Variants in ST7L observed in about 807,000 individuals in gnomAD.
The protein encoded by ST7L is suppression of tumorigenicity 7 like, also known as suppressor of tumorigenicity 7 protein-like.
A neutral mutation model predicts 72.5 loss-of-function variants in ST7L; 57 were observed. The ratio of observed to expected loss-of-function variants is 0.79; its 90% CI spans 0.64 to 0.98. ST7L has a LOEUF of 0.98. ST7L is among the 50% of genes least tolerant of loss of function. The pLI, the probability that ST7L is intolerant of heterozygous loss-of-function variation, is 0.00. For missense variants in ST7L, 576 were observed against 672.2 expected (o/e 0.86, Z 1.58); for synonymous variants, 221 against 240.9 (o/e 0.92, Z 0.77).
At chr1:112,576,319 T>G (rs1186501196) in intron 11 of ST7L, among the ~76,000 whole-genome samples, 1 of 152,180 alleles carries the variant, frequency 6.6e-6, no homozygotes, top group East Asian at 1.9e-4. Flanking sequence ...CCCAAACTCC[T>G]GGGCTCAAGT....
At chr1:112,520,836 C>T, downstream of ST7L, 1 of 314,868 alleles carries the variant, frequency 3.2e-6, no homozygotes, top group Non-Finnish European at 5.9e-6. Context: ...TTCCTTTGCA[C>T]CAGCTTCCCG....
downstream of ST7L, chr1:112,520,281 T>G (rs756575329): frequency 6.2e-7 from 1 of 1,613,470 alleles, no homozygotes; most frequent in South Asian, 1.1e-5. Flanking sequence ...CCAACCCAGG[T>G]TCCCTAGGCA....
intron 1 of ST7L, 133 bp from the exon 2 acceptor site, chr1:112,617,028 G>T (rs980068422): frequency 3.6e-6 from 2 of 559,956 alleles, no homozygotes; most frequent in Non-Finnish European, 6.3e-6. Flanking sequence ...ACTTGAAAAA[G>T]TTTTAATTTG....
chr1:112,543,273 GGA>G (rs2101425748), intron 13 of ST7L, among the ~76,000 whole-genome samples: 1 of 152,324 alleles, frequency 6.6e-6, no homozygotes, highest in African/African-American at 2.4e-5. Flanking sequence ...AGGTAAGACG[GGA>G]GCAGTGGCTC....
intron 2 of ST7L, among the ~76,000 whole-genome samples, chr1:112,613,044 A>T (rs1311497817): frequency 2.6e-5 from 4 of 152,074 alleles, no homozygotes; most frequent in African/African-American, 9.7e-5. Flanking sequence ...GCTTGAGTTC[A>T]GCAGGTCAAG....
chr1:112,561,418 T>C (rs1157366108), intron 11 of ST7L, among the ~76,000 whole-genome samples: 2 of 151,622 alleles, frequency 1.3e-5, no homozygotes, highest in Admixed American at 1.3e-4. Flanking sequence ...TGATTTATGT[T>C]TGTCTGGATT....
Position 112,542,105 on chromosome 1 carries a change from AG to A in ST7L, c.1490-16del. Reference sequence around the variant, plus strand: ...ATGATGAAAGGCTGCAATGGAGAATAGGTAAGAATCAATTTTATTTCAGAAT... The same window carrying A: ...ATGATGAAAGGCTGCAATGGAGAATAGTAAGAATCAATTTTATTTCAGAAT... On this transcript the variant is annotated splice_polypyrimidine_tract_variant and intron_variant, in intron 13 of 14. Transcript: ENST00000358039. 1 of 1,580,696 alleles carries A rather than the reference AG, an allele frequency of 6.3e-7. No individual in the cohort carries two copies. Among genetic ancestry groups the A allele is most frequent in the South Asian group, 1.2e-5 (1 of 85,296 alleles).
chr1:112,567,882 T>A (rs552180050), intron 11 of ST7L, among the ~76,000 whole-genome samples: 7 of 152,344 alleles, frequency 4.6e-5, no homozygotes, highest in African/African-American at 1.4e-4. Flanking sequence ...TCAGCTATAG[T>A]ATGCTTACTT....
chr1:112,549,517 G>A (rs983186773), intron 13 of ST7L, among the ~76,000 whole-genome samples: 4 of 151,628 alleles, frequency 2.6e-5, no homozygotes, highest in East Asian at 1.9e-4. Flanking sequence ...AATTTCTTTC[G>A]TTAAATTTAT....
chr1:112,553,371 C>T (rs1281294300), intron 12 of ST7L, among the ~76,000 whole-genome samples: 4 of 152,098 alleles, frequency 2.6e-5, no homozygotes, highest in Non-Finnish European at 1.5e-5. Flanking sequence ...TGAGTCACAA[C>T]ACTTGGCTCA....
intron 6 of ST7L, among the ~76,000 whole-genome samples, chr1:112,587,889 G>A (rs1025147798): frequency 5.3e-5 from 8 of 152,164 alleles, no homozygotes; most frequent in East Asian, 1.9e-4. Flanking sequence ...CACTGAATCC[G>A]TAGATCAATT....
rs1661803477 is a variant in ST7L at position 112,570,006 on chromosome 1, A to G, written c.1245+6980T>C. ...AACTATGAAACCATTTGATGGTTGGATAAGAAAAGTATGATACCAGAATGA... is the reference window on the plus strand; with the variant it reads ...AACTATGAAACCATTTGATGGTTGGGTAAGAAAAGTATGATACCAGAATGA... On this transcript the variant is annotated intron_variant, in intron 11 of 14. Transcript: ENST00000358039. Among the ~76,000 whole-genome samples, 7 of 151,168 alleles carry G rather than the reference A, an allele frequency of 4.6e-5. 1 individual carries two copies. In the South Asian group the frequency reaches 1.2e-3, roughly 27 times the overall value.
intron 13 of ST7L, among the ~76,000 whole-genome samples, chr1:112,542,956 C>G (rs1307098411): frequency 6.6e-6 from 1 of 151,966 alleles, no homozygotes; most frequent in East Asian, 1.9e-4. Context: ...CAGGCCACTA[C>G]GCCCAGCTAC....
Position 112,526,115 on chromosome 1 carries a change from C to A in ST7L, c.1630-4G>T, listed in dbSNP as rs369053015. On this transcript the variant is annotated splice_region_variant and splice_polypyrimidine_tract_variant and intron_variant, in intron 14 of 14. Coordinates refer to ENST00000358039, the MANE Select transcript of ST7L (RefSeq NM_017744.5). ...GGGGGCACCAGAGTCCCAGCACCTT[C>A]AAAACAGAAATTGATACAAAATGTT... 23 of 1,613,892 alleles carry A rather than the reference C, an allele frequency of 1.4e-5. No individual in the cohort carries two copies. In the African/African-American group the frequency reaches 2.9e-4, roughly 21 times the overall value.
downstream of ST7L, chr1:112,520,166 G>C (rs1269871095): frequency 4.8e-6 from 5 of 1,033,574 alleles, no homozygotes; most frequent in African/African-American, 7.9e-5. Context: ...GTGAGCCACT[G>C]TGCCCAGCCC....
At chr1:112,551,136 A>ATTTTTT (rs1658060983) in intron 12 of ST7L, among the ~76,000 whole-genome samples, 1 of 119,740 alleles carries the variant, frequency 8.4e-6, no homozygotes, top group African/African-American at 3.6e-5. Context: ...CTATGAGCAG[A>ATTTTTT]TCTTTTTTTT....
chr1:112,600,136 G>A (rs1667172198), intron 4 of ST7L, among the ~76,000 whole-genome samples: 1 of 152,136 alleles, frequency 6.6e-6, no homozygotes, highest in South Asian at 2.1e-4. Flanking sequence ...TGCCTCCTGG[G>A]TTCAAGTGAT....
At chr1:112,619,581 C>T (rs1380361898), upstream of ST7L, 2 of 530,934 alleles carry the variant, frequency 3.8e-6, no homozygotes, top group South Asian at 2.7e-5. Context: ...ACGCTGCCAG[C>T]GCCCATTAGA....
Position 112,619,076 on chromosome 1 carries a change from A to T in ST7L, c.38T>A (p.Val13Asp). 2.5e-6 allele frequency: 4 copies of T among 1,613,588 alleles called. No individual in the cohort carries two copies. The highest frequency in any genetic ancestry group is 3.4e-6 in the Non-Finnish European group (4 of 1,179,966). Reference sequence around the variant, plus strand: ...AGGGACAGATGCAGGAGACGCTCCAACAGCTGCGGCTTCACCCACGCCGCC... The same window carrying T: ...AGGGACAGATGCAGGAGACGCTCCATCAGCTGCGGCTTCACCCACGCCGCC... The part of the protein sequence containing the change: ...DRGGVGEAAA[V>D]GASPASVPGL... The change falls in exon 1 of 15, where the codon GTT (valine) becomes GAT (aspartate). Residue 13 changes from valine (V) to aspartate (D), a missense_variant. Physicochemically the swap from Val to Asp is radical, Grantham distance 152. Around this residue, in one of 3 missense-constraint regions of ST7L, gnomAD observed 56 missense variants for 45.8 expected, o/e 1.22. Coordinates refer to ENST00000358039, the MANE Select transcript of ST7L (RefSeq NM_017744.5).
Sources: gnomAD v4.1 joint callset for allele counts (sites outside exome capture counted in the v4.1 genomes callset) on GRCh38, gnomAD v4.1.1 for gene constraint, gnomAD v4.1.1 regional missense constraint, MANE v1.5 for transcripts, NCBI Gene and HGNC (gene_info 2026-07-23, HGNC 2026-07-21) for gene names.